Variants in ADGRG2 observed in about 807,000 individuals in gnomAD.
The protein encoded by ADGRG2 is G protein-coupled receptor 64.
Under a neutral mutation model 74.1 loss-of-function variants are expected in ADGRG2, and 26 were observed. The observed-to-expected ratio is 0.35, with a 90% CI of 0.26 to 0.49. ADGRG2 has a LOEUF of 0.49. ADGRG2 is among the 20% of genes least tolerant of loss of function. The probability of loss-of-function intolerance (pLI) is 0.99; values close to 1 mark genes in which losing one functional copy is unlikely to be tolerated. For synonymous variants in ADGRG2, 296 were observed against 295.2 expected (o/e 1.00, Z -0.03); for missense variants, 619 against 763.1 (o/e 0.81, Z 2.22).
At chrX:19,049,438 G>GGTTTTTTTT (rs1555901661) in intron 3 of ADGRG2, among the ~76,000 whole-genome samples, 1 of 82,164 alleles carries the variant, frequency 1.2e-5, no homozygotes, top group East Asian at 3.5e-4. Flanking sequence ...CGTTTTTTGT[G>GGTTTTTTTT]TTTTTTTTTT....
intron 1 of ADGRG2, among the ~76,000 whole-genome samples, chrX:19,106,488 T>C (rs1246265599): frequency 9.7e-6 from 1 of 102,730 alleles, no homozygotes; most frequent in Admixed American, 1.0e-4. Flanking sequence ...TGGGATAGTG[T>C]GTGTTTGTGT....
At chrX:19,040,346 A>T (rs2061033167) in intron 3 of ADGRG2, 122 bp from the exon 4 acceptor site, 3 of 456,520 alleles carry the variant, frequency 6.6e-6, no homozygotes, top group Non-Finnish European at 7.6e-6. Flanking sequence ...ACTAAAAAAA[A>T]GTATGTGAAT....
At chrX:19,100,653 G>T (rs191113388) in intron 1 of ADGRG2, among the ~76,000 whole-genome samples, 1 of 113,620 alleles carries the variant, frequency 8.8e-6, no homozygotes, top group African/African-American at 3.2e-5. Context: ...CTTCTTTGCC[G>T]AAGGCAGAAG....
At chrX:19,080,588 G>T (rs2061829630) in intron 2 of ADGRG2, among the ~76,000 whole-genome samples, 1 of 111,576 alleles carries the variant, frequency 9.0e-6, no homozygotes, top group Admixed American at 9.5e-5. Flanking sequence ...GATTAAATGA[G>T]GTAATGTAAT....
In ADGRG2 at chrX:19,004,791, A is replaced by G; in HGVS notation, c.1928T>C (p.Leu643Pro). ...TATGTAGGTTACAAGAGTCACTGAC[A>G]GAAAAATTGATGAAAGCCCACAACC... is the stretch of plus-strand genomic sequence containing the variant. ...YIGCGLSSIF[L>P]SVTLVTYIAF... Residue 643 changes from leucine to proline, a missense_variant, in exon 23 of 29, where the codon CTG becomes CCG. Coordinates refer to ENST00000379869, the MANE Select transcript of ADGRG2 (RefSeq NM_001079858.3). The G allele has an allele frequency of 8.3e-7, 1 of 1,208,915 alleles. No individual in the cohort carries two copies. Among genetic ancestry groups the G allele is most frequent in the African/African-American group, 1.7e-5 (1 of 57,922 alleles).
rs752686975 is a variant in ADGRG2, at chrX:19,049,438, G to GTTT, written c.119-9217_119-9215dup. Among the ~76,000 whole-genome samples, 247 of 81,868 alleles carry GTTT rather than the reference G, an allele frequency of 3.0e-3. 1 individual carries two copies. Among genetic ancestry groups the GTTT allele is most frequent in the African/African-American group, 9.2e-3 (161 of 17,422 alleles). The allele number at this position is 81,868 out of a possible 115,157, so 71.1% of individuals were successfully genotyped here. ...TGTGTCATATATAAGCGTTTTTTGTGTTTTTTTTTTTTTTTTTTTGTTGTT... is the reference window on the plus strand; with the variant it reads ...TGTGTCATATATAAGCGTTTTTTGTGTTTTTTTTTTTTTTTTTTTTTTGTTGTT... On this transcript the variant is annotated intron_variant, in intron 3 of 28. Transcript: ENST00000379869.
chrX:19,055,536 G>A (rs186474198), intron 3 of ADGRG2, among the ~76,000 whole-genome samples: 193 of 111,582 alleles, frequency 1.7e-3, no homozygotes, highest in African/African-American at 5.6e-3. Context: ...GGTGGCCACT[G>A]TTTTGGGCAG....
At position 19,005,986 on chromosome X, in the gene ADGRG2, G is replaced by A; in HGVS notation, c.1839+16C>T. ...TCAGACTCAGAATTTAAGGCCACGT[G>A]GCACAGGCATATTACCAGCAGAACG... On this transcript the variant is annotated intron_variant, in intron 22 of 28. Transcript: ENST00000379869. 9.2e-7 allele frequency: 1 copy of A among 1,087,562 alleles called. No homozygotes were observed. The highest frequency in any genetic ancestry group is 1.3e-6 in the Non-Finnish European group (1 of 782,724). 89.6% of individuals were successfully genotyped at this position (1,087,562 alleles called of 1,213,427 possible).
chrX:19,068,643 A>G (rs1353194833), intron 3 of ADGRG2, 74 bp downstream of exon 3: 6 of 475,958 alleles, frequency 1.3e-5, no homozygotes, highest in African/African-American at 4.8e-5. Flanking sequence ...CAGTAAAAAA[A>G]TCCTAAATAA....
intron 7 of ADGRG2, 23 bp downstream of exon 7, chrX:19,035,919 A>C: frequency 1.1e-6 from 1 of 870,186 alleles, no homozygotes; most frequent in Non-Finnish European, 1.7e-6. Flanking sequence ...AAGCTATTAC[A>C]TTTAGAAATC....
At chrX:19,086,760 C>G (rs1292306564) in intron 1 of ADGRG2, among the ~76,000 whole-genome samples, 1 of 111,476 alleles carries the variant, frequency 9.0e-6, no homozygotes, top group Non-Finnish European at 1.9e-5. Context: ...CAAAACCAAC[C>G]AAAACAGAAC....
At chrX:18,997,862 A>G (rs2060047124) in intron 26 of ADGRG2, among the ~76,000 whole-genome samples, 2 of 112,526 alleles carry the variant, frequency 1.8e-5, no homozygotes, top group African/African-American at 6.5e-5. Context: ...ATTAAAAGGC[A>G]TCCCCAAAAG....
chrX:19,065,992 G>A (rs781776800), intron 3 of ADGRG2, among the ~76,000 whole-genome samples: 2 of 111,792 alleles, frequency 1.8e-5, no homozygotes, highest in African/African-American at 3.3e-5. Flanking sequence ...GATTATAGGC[G>A]TGCACCACCA....
At chrX:19,045,614 T>C (rs2061170344) in intron 3 of ADGRG2, among the ~76,000 whole-genome samples, 1 of 109,387 alleles carries the variant, frequency 9.1e-6, no homozygotes, top group Non-Finnish European at 1.9e-5. Flanking sequence ...GGCCATAGGG[T>C]TTTATTATTA....
At chrX:19,121,446 T>A (rs897957434) in intron 1 of ADGRG2, among the ~76,000 whole-genome samples, 1 of 111,339 alleles carries the variant, frequency 9.0e-6, no homozygotes, top group Non-Finnish European at 1.9e-5. Context: ...AGCAAGTGTT[T>A]TTGCGTGCGT....
chrX:19,006,770 T>C (rs1220445603), intron 20 of ADGRG2, among the ~76,000 whole-genome samples: 9 of 104,105 alleles, frequency 8.6e-5, no homozygotes, highest in Non-Finnish European at 5.9e-5. Flanking sequence ...TTTTTTTTTT[T>C]TTTTTTGAGA....
At chrX:19,087,087 G>A (rs773010416) in intron 1 of ADGRG2, among the ~76,000 whole-genome samples, 17 of 111,682 alleles carry the variant, frequency 1.5e-4, no homozygotes, top group East Asian at 1.4e-3. Context: ...TATTGCCATC[G>A]AGGAACAAAC....
chrX:19,091,408 T>C lies in ADGRG2; in HGVS notation c.-46-8662A>G, dbSNP rs748624790. 9.1e-5 allele frequency among the ~76,000 whole-genome samples: 10 copies of C among 109,720 alleles called. No homozygotes were observed. In the East Asian group the frequency reaches 2.3e-3, roughly 25 times the overall value. On this transcript the variant is annotated intron_variant, in intron 1 of 28. Coordinates refer to ENST00000379869, the MANE Select transcript of ADGRG2 (RefSeq NM_001079858.3). ...AATTTTAGCTCTCCATTCTCAAACA[T>C]TGTTCTGAAGGTCTGAGCAATTCAG...
chrX:19,070,898 C>T (rs1035967475), intron 2 of ADGRG2, among the ~76,000 whole-genome samples: 3 of 111,847 alleles, frequency 2.7e-5, no homozygotes, highest in Non-Finnish European at 3.8e-5. Flanking sequence ...AGTGCTGTTG[C>T]GGTGAGTAAA....
Sources: allele counts gnomAD v4.1 joint callset (sites outside exome capture counted in the v4.1 genomes callset), GRCh38; gene constraint gnomAD v4.1.1; transcripts MANE v1.5; gene names NCBI Gene and HGNC (gene_info 2026-07-23, HGNC 2026-07-21).